PARP8: variants seen among roughly 807,000 people sequenced by gnomAD.
The protein encoded by PARP8 is poly(ADP-ribose) polymerase family member 8.
In PARP8, 51 loss-of-function variants were observed where a neutral mutation model predicts 124.1. That is an observed-to-expected ratio of 0.41 (90% CI 0.33 to 0.52). The LOEUF (loss-of-function observed/expected upper bound fraction) is 0.52, where lower values mean the gene tolerates loss of function less well. PARP8 is among the 20% of genes least tolerant of loss of function. The probability of loss-of-function intolerance (pLI) is 0.21; values close to 1 mark genes in which losing one functional copy is unlikely to be tolerated. For missense variants in PARP8, 860 were observed against 1,018.9 expected (o/e 0.84, Z 2.12); for synonymous variants, 391 against 361.5 (o/e 1.08, Z -0.93).
chr5:50,783,864 A>T (rs534807329), intron 9 of PARP8, among the ~76,000 whole-genome samples: 3 of 152,150 alleles, frequency 2.0e-5, no homozygotes, highest in African/African-American at 7.2e-5. Context: ...TTATTTTTCT[A>T]ATGTGTTTCC....
chr5:50,774,774 G>A lies in PARP8; in HGVS notation c.519-3295G>A, dbSNP rs532443429. 9.1e-5 allele frequency among the ~76,000 whole-genome samples: 13 copies of A among 143,364 alleles called. No homozygotes were observed. In the South Asian group the frequency reaches 9.1e-4, roughly 10 times the overall value. 94.1% of individuals were successfully genotyped at this position (143,364 alleles called of 152,430 possible). ...GCGCTCCTCACTTCCCAGACGGGGC[G>A]GCCGGGCAGAGGCGCTCCTCACTTC... On this transcript the variant is annotated intron_variant, in intron 7 of 25. Transcript: ENST00000281631.
intron 2 of PARP8, among the ~76,000 whole-genome samples, chr5:50,671,060 G>T (rs1356009848): frequency 6.6e-6 from 1 of 152,164 alleles, no homozygotes; most frequent in African/African-American, 2.4e-5. Context: ...TCCCAGTACT[G>T]CCTTCTTATT....
rs1238141751 is a variant in PARP8 at position 50,788,549 on chromosome 5, T to G, written c.697T>G (p.Ser233Ala). ...GCCCACTGTTGATGTCTTTCAGATTTCCACAAAAGAGCGATTTGGATTGGG... is the reference window on the plus strand; with the variant it reads ...GCCCACTGTTGATGTCTTTCAGATTGCCACAAAAGAGCGATTTGGATTGGG... ...PVPTVDVFQI[S>A]TKERFGLGHQ... Residue 233 changes from serine to alanine, a missense_variant, in exon 10 of 26, where the codon TCC becomes GCC. Physicochemically the swap from Ser to Ala is moderately conservative, Grantham distance 99. Around this residue, in one of 2 missense-constraint regions of PARP8, gnomAD observed 517 missense variants for 544.2 expected, o/e 0.95. Transcript: ENST00000281631. 5.0e-6 allele frequency: 8 copies of G among 1,613,428 alleles called. No individual in the cohort carries two copies. The highest frequency in any genetic ancestry group is 3.4e-6 in the Non-Finnish European group (4 of 1,179,740).
intron 7 of PARP8, among the ~76,000 whole-genome samples, chr5:50,768,458 C>T (rs7700817): frequency 0.14 from 20,955 of 152,014 alleles, 1,518 homozygotes; most frequent in East Asian, 0.19. Context: ...CACTACATGT[C>T]GGGAAAGAAC....
intron 14 of PARP8, 22 bp downstream of exon 14, chr5:50,797,255 G>T: frequency 2.7e-6 from 4 of 1,492,680 alleles, no homozygotes; most frequent in Non-Finnish European, 3.7e-6. Flanking sequence ...CTGATAGAAT[G>T]TCCGTGTTGG....
intron 2 of PARP8, among the ~76,000 whole-genome samples, chr5:50,674,283 TCA>T (rs1750365544): frequency 6.6e-6 from 1 of 152,228 alleles, no homozygotes; most frequent in African/African-American, 2.4e-5. Flanking sequence ...CTAGTCAGTA[TCA>T]CATCTTTTGA....
Position 50,763,233 on chromosome 5 carries a change from T to A in PARP8, c.509T>A (p.Val170Asp). ...AGAGAGATATATGGGCCACATGCAG[T>A]TTCTCTCAGGTAAATAAGTATCACT... ...AVREIYGPHAVSLREYGAIDD... is the reference protein window; with the variant it reads ...AVREIYGPHADSLREYGAIDD... Residue 170 changes from valine to aspartate, a missense_variant, in exon 7 of 26, where the codon GTT (valine) becomes GAT (aspartate). This residue lies in a region of PARP8 where 517 missense variants were observed against 544.2 expected (regional missense o/e 0.95). Coordinates refer to ENST00000281631, the MANE Select transcript of PARP8 (RefSeq NM_024615.4). 1 of 1,607,086 alleles carries A rather than the reference T, an allele frequency of 6.2e-7. No homozygotes were observed. Among genetic ancestry groups the A allele is most frequent in the East Asian group, 2.2e-5 (1 of 44,812 alleles).
chr5:50,752,959 T>C (rs553536666), intron 3 of PARP8, among the ~76,000 whole-genome samples: 1 of 152,214 alleles, frequency 6.6e-6, no homozygotes, highest in African/African-American at 2.4e-5. Context: ...ATTTATTTCA[T>C]ACTTTTAGTG....
Position 50,752,116 on chromosome 5 carries a change from C to CT in PARP8, c.184+1936dup, listed in dbSNP as rs77791114. Reference sequence around the variant, plus strand: ...ATTACTCTTTTTCTCATTTACCAAGCTTTTTTTTAAAAAAAATGAATATTA... The same window carrying CT: ...ATTACTCTTTTTCTCATTTACCAAGCTTTTTTTTTAAAAAAAATGAATATTA... On this transcript the variant is annotated intron_variant, in intron 3 of 25. Transcript: ENST00000281631. 1.0e-3 allele frequency among the ~76,000 whole-genome samples: 155 copies of CT among 151,942 alleles called. 1 individual carries two copies. The East Asian group carries it at 0.017, about 17-fold the overall frequency.
At chr5:50,820,193 C>T (rs1745600322) in intron 15 of PARP8, among the ~76,000 whole-genome samples, 2 of 152,180 alleles carry the variant, frequency 1.3e-5, no homozygotes, top group African/African-American at 2.4e-5. Context: ...GTCAGCTCTG[C>T]TGTCATTAGG....
chr5:50,750,136 T>C lies in PARP8; in HGVS notation c.147-15T>C. 1 of 1,574,234 alleles carries C rather than the reference T, an allele frequency of 6.4e-7. No individual in the cohort carries two copies. Among genetic ancestry groups the C allele is most frequent in the Non-Finnish European group, 8.7e-7 (1 of 1,149,992 alleles). On this transcript the variant is annotated splice_polypyrimidine_tract_variant and intron_variant, in intron 2 of 25. Transcript: ENST00000281631. ...AGCAATAACTTGAGCCTTTTTTGTTTGTTTGTTTTAACAGTGTATCCTACT... is the reference window on the plus strand; with the variant it reads ...AGCAATAACTTGAGCCTTTTTTGTTCGTTTGTTTTAACAGTGTATCCTACT...
intron 2 of PARP8, among the ~76,000 whole-genome samples, chr5:50,720,197 C>G (rs1323429452): frequency 1.3e-5 from 2 of 152,032 alleles, no homozygotes; most frequent in Non-Finnish European, 2.9e-5. Flanking sequence ...TGATTTATCA[C>G]TGTCAAGATC....
intron 2 of PARP8, among the ~76,000 whole-genome samples, chr5:50,701,528 A>G (rs1176146565): frequency 6.6e-6 from 1 of 152,104 alleles, no homozygotes; most frequent in Non-Finnish European, 1.5e-5. Flanking sequence ...GTGGCATGCA[A>G]TATATATGGA....
rs764110606 is a variant in PARP8, at chr5:50,754,152, C to CATATACATAT, written c.184+3965_184+3966insTATACATATA. 2.7e-3 allele frequency among the ~76,000 whole-genome samples: 123 copies of CATATACATAT among 45,250 alleles called. 2 individuals carry two copies. Among genetic ancestry groups the CATATACATAT allele is most frequent in the African/African-American group, 6.3e-3 (74 of 11,808 alleles). 29.7% of individuals were successfully genotyped at this position (45,250 alleles called of 152,430 possible). ...ATATATATATATATATATATATATACACACACACACACACACACACACACA... is the reference window on the plus strand; with the variant it reads ...ATATATATATATATATATATATATACATATACATATACACACACACACACACACACACACA... On this transcript the variant is annotated intron_variant, in intron 3 of 25. Coordinates refer to ENST00000281631, the MANE Select transcript of PARP8 (RefSeq NM_024615.4).
chr5:50,792,060 C>A (rs2149642339), intron 10 of PARP8, among the ~76,000 whole-genome samples: 1 of 152,258 alleles, frequency 6.6e-6, no homozygotes, highest in South Asian at 2.1e-4. Flanking sequence ...TGCCCTGGAA[C>A]CTTTGTTCAC....
intron 2 of PARP8, among the ~76,000 whole-genome samples, chr5:50,722,441 G>A (rs1394711645): frequency 1.3e-5 from 2 of 152,010 alleles, no homozygotes; most frequent in Non-Finnish European, 2.9e-5. Flanking sequence ...AGCCGATAGT[G>A]GGACACAGCA....
chr5:50,797,288 A>C, intron 14 of PARP8, 55 bp downstream of exon 14: 1 of 1,221,908 alleles, frequency 8.2e-7, no homozygotes, highest in South Asian at 1.5e-5. Context: ...AAATATAGAA[A>C]AGATTTGAAA....
At chr5:50,832,875 A>G in intron 23 of PARP8, 21 bp downstream of exon 23, 4 of 1,608,562 alleles carry the variant, frequency 2.5e-6, no homozygotes, top group Non-Finnish European at 3.4e-6. Context: ...GACTTTAGTG[A>G]CTGCTTATGA....
chr5:50,790,042 A>G (rs1313677600), intron 10 of PARP8, among the ~76,000 whole-genome samples: 3 of 152,148 alleles, frequency 2.0e-5, no homozygotes, highest in Non-Finnish European at 4.4e-5. Context: ...TCAAGTTTTT[A>G]TGACTTAAAT....
Sources: gnomAD v4.1 joint callset for allele counts (sites outside exome capture counted in the v4.1 genomes callset) on GRCh38, gnomAD v4.1.1 for gene constraint, gnomAD v4.1.1 regional missense constraint, MANE v1.5 for transcripts, NCBI Gene and HGNC (gene_info 2026-07-23, HGNC 2026-07-21) for gene names.